The following GPC5 variants were observed in gnomAD, a reference collection of about 807,000 sequenced individuals.
GPC5 encodes glypican 5, also known as glypican-5.
GPC5 carries 47 observed loss-of-function variants against 53.9 expected under a neutral mutation model. The ratio of observed to expected loss-of-function variants is 0.87; its 90% CI spans 0.69 to 1.11. GPC5 has a LOEUF of 1.11. GPC5 is among the 50% of genes most tolerant of loss of function. The pLI is 0.00. For missense variants in GPC5, 748 were observed against 713.1 expected (o/e 1.05, Z -0.56); for synonymous variants, 286 against 263.3 (o/e 1.09, Z -0.84).
intron 7 of GPC5, among the ~76,000 whole-genome samples, chr13:92,575,403 G>A (rs187615669): frequency 3.9e-5 from 6 of 152,232 alleles, no homozygotes; most frequent in Non-Finnish European, 7.4e-5. Flanking sequence ...AAAAATTGGA[G>A]TTATGCAGCC....
intron 7 of GPC5, among the ~76,000 whole-genome samples, chr13:92,182,843 T>C (rs1257925690): frequency 4.7e-5 from 7 of 149,768 alleles, no homozygotes; most frequent in Non-Finnish European, 7.4e-5. Flanking sequence ...CACTCCAGCC[T>C]GGGCAACAGA....
intron 7 of GPC5, chr13:92,719,762 A>G (rs73623318): frequency 9.7e-4 from 148 of 152,314 alleles, no homozygotes; most frequent in African/African-American, 3.5e-3. Context: ...ATTGTCTTCA[A>G]GCTTCAGAAA....
intron 5 of GPC5, among the ~76,000 whole-genome samples, chr13:91,900,140 G>T (rs543978451): frequency 1.2e-4 from 18 of 151,984 alleles, no homozygotes; most frequent in African/African-American, 4.3e-4. Context: ...TCGTGCTTGT[G>T]TCAATTACAT....
chr13:92,499,054 G>C (rs1241885040), intron 7 of GPC5, among the ~76,000 whole-genome samples: 1 of 151,932 alleles, frequency 6.6e-6, no homozygotes, highest in Non-Finnish European at 1.5e-5. Context: ...GTGATGTGTG[G>C]GACCAAGTGA....
At chr13:92,255,677 A>T (rs1566506344) in intron 7 of GPC5, among the ~76,000 whole-genome samples, 1 of 152,132 alleles carries the variant, frequency 6.6e-6, no homozygotes, top group Non-Finnish European at 1.5e-5. Context: ...TCTTCATTAG[A>T]TCTCTTAGTA....
intron 7 of GPC5, among the ~76,000 whole-genome samples, chr13:92,465,334 A>AT (rs1878648389): frequency 6.6e-6 from 1 of 152,102 alleles, no homozygotes; most frequent in African/African-American, 2.4e-5. Context: ...TTCTGATGAG[A>AT]AAATCTTAGA....
intron 7 of GPC5, among the ~76,000 whole-genome samples, chr13:92,310,432 C>A (rs13378344): frequency 0.21 from 31,485 of 152,042 alleles, 3,443 homozygotes; most frequent in South Asian, 0.37. Flanking sequence ...ACCAATACTG[C>A]AACATAGACA....
At chr13:91,681,235 G>A (rs2035501386) in intron 2 of GPC5, among the ~76,000 whole-genome samples, 3 of 152,238 alleles carry the variant, frequency 2.0e-5, no homozygotes, top group Admixed American at 6.5e-5. Context: ...CAAGAACCAA[G>A]ACTTTGAACG....
chr13:92,567,604 A>G (rs1056047584), intron 7 of GPC5, among the ~76,000 whole-genome samples: 4 of 152,184 alleles, frequency 2.6e-5, no homozygotes, highest in African/African-American at 9.6e-5. Context: ...AAAAGTCAGT[A>G]TCATACTGAT....
intron 7 of GPC5, among the ~76,000 whole-genome samples, chr13:92,495,544 G>A (rs1052297847): frequency 6.6e-6 from 1 of 152,054 alleles, no homozygotes; most frequent in Non-Finnish European, 1.5e-5. Flanking sequence ...TCAGACTGGG[G>A]AGTTCAGATG....
intron 5 of GPC5, among the ~76,000 whole-genome samples, chr13:91,842,704 CAAAAAAAAAAAAAA>C (rs58660493): frequency 5.1e-5 from 3 of 58,838 alleles, no homozygotes; most frequent in Non-Finnish European, 5.8e-5. Context: ...GACTCCGTCT[CAAAAAAAAAAAAAA>C]AAAAAAAAAA....
chr13:92,527,511 C>A (rs557040781), intron 7 of GPC5, among the ~76,000 whole-genome samples: 1 of 151,838 alleles, frequency 6.6e-6, no homozygotes, highest in African/African-American at 2.4e-5. Context: ...CAAAGGTCAC[C>A]GGTGAGCTTG....
chr13:92,598,541 CTA>C (rs1011939816), intron 7 of GPC5, among the ~76,000 whole-genome samples: 20 of 152,022 alleles, frequency 1.3e-4, no homozygotes, highest in South Asian at 4.2e-4. Context: ...CCTTTTTATT[CTA>C]TGTTAGATAA....
intron 6 of GPC5, among the ~76,000 whole-genome samples, chr13:92,119,771 C>T (rs999426453): frequency 1.3e-5 from 2 of 151,766 alleles, no homozygotes; most frequent in Non-Finnish European, 2.9e-5. Context: ...ATAATGCCTC[C>T]TTTGAATTTC....
chr13:91,719,498 C>G (rs1218739791), intron 3 of GPC5, among the ~76,000 whole-genome samples: 2 of 152,226 alleles, frequency 1.3e-5, no homozygotes, highest in Non-Finnish European at 2.9e-5. Flanking sequence ...TCTCTGAAAT[C>G]TGCAAGTCAG....
intron 5 of GPC5, among the ~76,000 whole-genome samples, chr13:91,831,294 A>G (rs1468791783): frequency 6.6e-6 from 1 of 151,430 alleles, no homozygotes; most frequent in Non-Finnish European, 1.5e-5. Context: ...GGCTAGGACA[A>G]TCTCTCATTT....
At chr13:92,680,778 G>A (rs935883946) in intron 7 of GPC5, among the ~76,000 whole-genome samples, 1 of 152,140 alleles carries the variant, frequency 6.6e-6, no homozygotes, top group Non-Finnish European at 1.5e-5. Flanking sequence ...TTAAAAGGTA[G>A]AGGAAAATAT....
chr13:91,791,149 C>T (rs750378297), intron 5 of GPC5, among the ~76,000 whole-genome samples: 11 of 152,124 alleles, frequency 7.2e-5, no homozygotes, highest in Non-Finnish European at 1.5e-4. Context: ...ACAAGGATCT[C>T]CATATTCCTA....
Position 92,791,386 on chromosome 13 carries a change from C to T in GPC5, c.1562-74896C>T, listed in dbSNP as rs76625471. 4.7e-3 allele frequency among the ~76,000 whole-genome samples: 642 copies of T among 135,224 alleles called. 7 individuals are homozygous for T. The highest frequency in any genetic ancestry group is 0.017 in the African/African-American group (616 of 35,294). 88.7% of individuals were successfully genotyped at this position (135,224 alleles called of 152,430 possible). A position where few individuals can be genotyped will look rare whatever the true frequency, so the allele number is the denominator to read the frequency against. ...TATATAAATGTACACATTCATTATA[C>T]GTGTGTGTAACTTTGTGAGTGTATG... On this transcript the variant is annotated intron_variant, in intron 7 of 7. Transcript: ENST00000377067.
Sources: allele counts gnomAD v4.1 joint callset (sites outside exome capture counted in the v4.1 genomes callset), GRCh38; gene constraint gnomAD v4.1.1; transcripts MANE v1.5; gene names NCBI Gene and HGNC (gene_info 2026-07-23, HGNC 2026-07-21).